TCP1: variants seen among roughly 807,000 people sequenced by gnomAD.
TCP1 encodes T-complex protein 1 subunit alpha.
A neutral mutation model predicts 54.7 loss-of-function variants in TCP1; 6 were observed. The observed-to-expected ratio is 0.11, with a 90% CI of 0.06 to 0.22. TCP1 has a LOEUF of 0.22. Ranked by LOEUF, TCP1 falls within the 10% of genes least tolerant of loss-of-function variation. The pLI is 1.00. For missense variants in TCP1, 511 were observed against 678.2 expected (o/e 0.75, Z 2.74); for synonymous variants, 225 against 229.7 (o/e 0.98, Z 0.19).
rs1780552597 is a variant in TCP1 at position 159,780,585 on chromosome 6, A to C, written c.974-19T>G. Reference sequence around the variant, plus strand: ...ATAGTTGCTAATAAGAGAGTTACAAAGGATCTGTGAATATTGCTCTTTCAT... The same window carrying C: ...ATAGTTGCTAATAAGAGAGTTACAACGGATCTGTGAATATTGCTCTTTCAT... On this transcript the variant is annotated intron_variant, in intron 8 of 11. Coordinates refer to ENST00000321394, the MANE Select transcript of TCP1 (RefSeq NM_030752.3). The C allele has an allele frequency of 6.2e-7, 1 of 1,604,934 alleles. No homozygotes were observed. The highest frequency in any genetic ancestry group is 8.5e-7 in the Non-Finnish European group (1 of 1,177,400).
At position 159,787,078 on chromosome 6, in the gene TCP1, TA is replaced by T. The variant is rs76955548; in HGVS notation, c.279+664del. On this transcript the variant is annotated intron_variant, in intron 3 of 11. Transcript: ENST00000321394. The stretch of plus-strand genomic sequence containing the variant: ...GGCAACATAGCGAGACCCTGTCTCT[TA>T]AAAAAAAAAAAAAGAGGTTTTTAAT... 5.8e-4 allele frequency among the ~76,000 whole-genome samples: 77 copies of T among 133,588 alleles called. 1 individual carries two copies. The highest frequency in any genetic ancestry group is 5.5e-4 in the Non-Finnish European group (35 of 64,172). The allele number at this position is 133,588 out of a possible 152,430, so 87.6% of individuals were successfully genotyped here.
intron 5 of TCP1, 81 bp downstream of exon 5, chr6:159,785,305 C>G (rs1216226645): frequency 9.3e-7 from 1 of 1,072,770 alleles, no homozygotes. Flanking sequence ...GTAGCTGGGA[C>G]TACAGGCACA....
At chr6:159,786,161 A>C (rs1019385025) in intron 3 of TCP1, 164 bp from the exon 4 acceptor site, 2 of 578,358 alleles carry the variant, frequency 3.5e-6, no homozygotes, top group Non-Finnish European at 6.1e-6. Context: ...GAACGCTACA[A>C]AACACTCCAA....
chr6:159,789,086 G>A, intron 1 of TCP1: 1 of 386,152 alleles, frequency 2.6e-6, no homozygotes, highest in Non-Finnish European at 4.7e-6. Context: ...AAGGGGGTGC[G>A]AGGCGTGGCC....
At chr6:159,783,301 G>C (rs898792231) in intron 7 of TCP1, among the ~76,000 whole-genome samples, 11 of 151,868 alleles carry the variant, frequency 7.2e-5, no homozygotes, top group African/African-American at 2.7e-4. Flanking sequence ...GAACACCCGT[G>C]CAGACTGATT....
Position 159,789,524 on chromosome 6 carries a change from CG to C in TCP1, c.-57del. On this transcript the variant is annotated 5_prime_UTR_variant, in exon 1 of 12. Coordinates refer to ENST00000321394, the MANE Select transcript of TCP1 (RefSeq NM_030752.3). ...CTTACACCGCGGGCAACCAGTATCG[CG>C]GCCCCTCGGCCGACCGGCGACCACA... 1 of 1,603,842 alleles carries C rather than the reference CG, an allele frequency of 6.2e-7. No homozygotes were observed. Among genetic ancestry groups the C allele is most frequent in the Non-Finnish European group, 8.5e-7 (1 of 1,173,086 alleles).
At chr6:159,785,842 C>A in intron 4 of TCP1, 58 bp downstream of exon 4, 1 of 1,317,878 alleles carries the variant, frequency 7.6e-7, no homozygotes, top group Non-Finnish European at 1.1e-6. Flanking sequence ...AACGTTAAGA[C>A]AACACAGTTT....
In TCP1 at chr6:159,780,450, T is replaced by G. The variant is rs778256189; in HGVS notation, c.1090A>C (p.Ile364Leu). The G allele has an allele frequency of 6.2e-7, 1 of 1,613,856 alleles. No homozygotes were observed. The highest frequency in any genetic ancestry group is 1.3e-5 in the African/African-American group (1 of 75,032). ...TTAGAAAGTGGCTCTTACTTTTTGATTAAGATCAGCTCATCATCACAAATT... is the reference window on the plus strand; with the variant it reads ...TTAGAAAGTGGCTCTTACTTTTTGAGTAAGATCAGCTCATCATCACAAATT... ...ERICDDELIL[I>L]KNTKARTSAS... Residue 364 changes from isoleucine (I) to leucine (L), a missense_variant, in exon 9 of 12, where the codon ATC becomes CTC. Physicochemically the swap from Ile to Leu is conservative, Grantham distance 5. Coordinates refer to ENST00000321394, the MANE Select transcript of TCP1 (RefSeq NM_030752.3).
Position 159,778,979 on chromosome 6 carries a change from G to GACAT in TCP1, c.*65_*66insATGT. ...TACAGCTTGTACTTTACTTTAATGT[G>GACAT]TAATACTCAACTCAAGGTACAAGAC... On this transcript the variant is annotated 3_prime_UTR_variant, in exon 12 of 12. Coordinates refer to ENST00000321394, the MANE Select transcript of TCP1 (RefSeq NM_030752.3). 6.4e-7 allele frequency: 1 copy of GACAT among 1,565,886 alleles called. No individual in the cohort carries two copies.
chr6:159,785,434 C>A lies in TCP1; in HGVS notation c.440G>T (p.Cys147Phe), dbSNP rs1780671853. Residue 147 changes from cysteine (C) to phenylalanine (F), a missense_variant, in exon 5 of 12, where the codon TGC (cysteine) becomes TTC (phenylalanine). Around this residue, in one of 5 missense-constraint regions of TCP1, gnomAD observed 305 missense variants for 352.8 expected, o/e 0.86. Coordinates refer to ENST00000321394, the MANE Select transcript of TCP1 (RefSeq NM_030752.3). ...IVNTDELGRD[C>F]LINAAKTSMS... ...GGATGTCTTAGCAGCATTAATCAGGCAATCTCTTCCCAGTTCATCTGTGTT... is the reference window on the plus strand; with the variant it reads ...GGATGTCTTAGCAGCATTAATCAGGAAATCTCTTCCCAGTTCATCTGTGTT... 6.2e-7 allele frequency: 1 copy of A among 1,613,380 alleles called. No individual in the cohort carries two copies. The highest frequency in any genetic ancestry group is 1.3e-5 in the African/African-American group (1 of 74,916).
rs745351572 is a variant in TCP1, at chr6:159,781,088, T to C, written c.820A>G (p.Arg274Gly). The C allele has an allele frequency of 6.2e-7, 1 of 1,606,888 alleles. No individual in the cohort carries two copies. The highest frequency in any genetic ancestry group is 1.1e-5 in the South Asian group (1 of 89,248). Reference protein sequence around the residue: ...RQRESDITKERIQKILATGAN... With the variant: ...RQRESDITKEGIQKILATGAN... ...CCAGTTGCCAGGATCTTCTGAATTC[T>C]CTCCTTGGTGATATCTGATTCTCTG... The change falls in exon 8 of 12, where the codon AGA becomes GGA. Residue 274 changes from arginine to glycine, a missense_variant. Transcript: ENST00000321394.
intron 5 of TCP1, 39 bp downstream of exon 5, chr6:159,785,347 T>C: frequency 6.6e-7 from 1 of 1,514,826 alleles, no homozygotes; most frequent in Non-Finnish European, 9.1e-7. Context: ...GTCTTATGCT[T>C]TAAAAAGTCT....
chr6:159,778,895 G>A lies in TCP1; in HGVS notation c.*150C>T. ...AATAAAGTACTAGGTTGCAATATGT[G>A]AAATCAGAGGACCAAAGTACAGATG... On this transcript the variant is annotated 3_prime_UTR_variant, in exon 12 of 12. Coordinates refer to ENST00000321394, the MANE Select transcript of TCP1 (RefSeq NM_030752.3). 6.2e-7 allele frequency: 1 copy of A among 1,600,122 alleles called. No individual in the cohort carries two copies. Among genetic ancestry groups the A allele is most frequent in the Non-Finnish European group, 8.5e-7 (1 of 1,170,878 alleles).
intron 3 of TCP1, among the ~76,000 whole-genome samples, chr6:159,787,066 G>A (rs1222189226): frequency 7.0e-5 from 7 of 99,724 alleles, no homozygotes; most frequent in Admixed American, 2.4e-4. Flanking sequence ...AACATAGCGA[G>A]ACCCTGTCTC....
At chr6:159,780,662 C>A in intron 8 of TCP1, 96 bp from the exon 9 acceptor site, 1 of 1,488,292 alleles carries the variant, frequency 6.7e-7, no homozygotes, top group Non-Finnish European at 9.0e-7. Context: ...TGCTATATTA[C>A]AAGTTTAGAA....
At chr6:159,788,773 A>G (rs1583146184) in intron 1 of TCP1, 1 of 153,574 alleles carries the variant, frequency 6.5e-6, no homozygotes, top group Middle Eastern at 3.4e-3. Context: ...TTAGGAATCT[A>G]TCAAGAAACA....
Position 159,789,580 on chromosome 6 carries a change from C to G in TCP1, c.-112G>C, listed in dbSNP as rs1780801708. 2.3e-6 allele frequency: 3 copies of G among 1,328,174 alleles called. No individual in the cohort carries two copies. The highest frequency in any genetic ancestry group is 2.5e-5 in the East Asian group (1 of 40,032). 82.3% of individuals were successfully genotyped at this position (1,328,174 alleles called of 1,614,324 possible). ...TGGCTGCGACGGCGTGGAGCGTACCCGAGCGATGTCCCAGGAGCTACTGGG... is the reference window on the plus strand; with the variant it reads ...TGGCTGCGACGGCGTGGAGCGTACCGGAGCGATGTCCCAGGAGCTACTGGG... On this transcript the variant is annotated 5_prime_UTR_variant, in exon 1 of 12. Transcript: ENST00000321394.
intron 1 of TCP1, chr6:159,788,732 T>C (rs1346902028): frequency 6.5e-6 from 1 of 152,946 alleles, no homozygotes; most frequent in Admixed American, 6.5e-5. Flanking sequence ...ACGGGGAAGG[T>C]GGTGACTTTC....
In TCP1 at chr6:159,779,113, G is replaced by C. The variant is rs1365817067; in HGVS notation, c.1603C>G (p.Pro535Ala). 3 of 1,613,852 alleles carry C rather than the reference G, an allele frequency of 1.9e-6. No homozygotes were observed. In the South Asian group the frequency reaches 3.3e-5, roughly 18 times the overall value. ...LRIDDLIKLHPESKDDKHGSY... is the reference protein window; with the variant it reads ...LRIDDLIKLHAESKDDKHGSY... ...CCATGTTTATCATCTTTACTTTCTG[G>C]ATGTAATTTAATAAGATCATCAATT... The change falls in exon 12 of 12, where the codon CCA becomes GCA. Residue 535 changes from proline to alanine, a missense_variant. By Grantham distance (27) the Pro-to-Ala change is conservative. Coordinates refer to ENST00000321394, the MANE Select transcript of TCP1 (RefSeq NM_030752.3).
Sources: gnomAD v4.1 joint callset for allele counts (sites outside exome capture counted in the v4.1 genomes callset) on GRCh38, gnomAD v4.1.1 for gene constraint, gnomAD v4.1.1 regional missense constraint, MANE v1.5 for transcripts, NCBI Gene and HGNC (gene_info 2026-07-23, HGNC 2026-07-21) for gene names.